SMARCC1: variants seen among roughly 807,000 people sequenced by gnomAD.
The protein encoded by SMARCC1 is SWI/SNF complex subunit SMARCC1.
Under a neutral mutation model 147.4 loss-of-function variants are expected in SMARCC1, and 43 were observed. The ratio of observed to expected loss-of-function variants is 0.29; its 90% CI spans 0.23 to 0.38. SMARCC1 has a LOEUF of 0.38. SMARCC1 is among the 10% of genes least tolerant of loss of function. SMARCC1 has a pLI of 1.00. For missense variants in SMARCC1, 1,119 were observed against 1,381.1 expected (o/e 0.81, Z 3.01); for synonymous variants, 495 against 484.4 (o/e 1.02, Z -0.29).
At chr3:47,738,411 C>T (rs1054081526) in intron 3 of SMARCC1, among the ~76,000 whole-genome samples, 1 of 152,170 alleles carries the variant, frequency 6.6e-6, no homozygotes, top group African/African-American at 2.4e-5. Flanking sequence ...CCAGGCTGGG[C>T]GCAGTGGCTG....
chr3:47,679,837 G>A (rs1249209892), intron 15 of SMARCC1, among the ~76,000 whole-genome samples: 1 of 137,614 alleles, frequency 7.3e-6, no homozygotes, highest in African/African-American at 2.7e-5. Context: ...ACTCCAGTCT[G>A]AGTGACAGAG....
intron 13 of SMARCC1, among the ~76,000 whole-genome samples, chr3:47,688,355 GA>G (rs2033753866): frequency 6.6e-6 from 1 of 150,526 alleles, no homozygotes; most frequent in East Asian, 2.0e-4. Context: ...AGAGTCATAA[GA>G]AAAGAGTTTC....
chr3:47,772,949 GAC>G lies in SMARCC1; in HGVS notation c.196-15_196-14del. The G allele has an allele frequency of 6.2e-7, 1 of 1,607,694 alleles. No individual in the cohort carries two copies. Among genetic ancestry groups the G allele is most frequent in the Non-Finnish European group, 8.5e-7 (1 of 1,176,300 alleles). ...CCGCATGAACATACTGCAAGATAAA[GAC>G]AGGCATTCAAAAACTAGTACAATTT... On this transcript the variant is annotated splice_polypyrimidine_tract_variant and intron_variant, in intron 1 of 27. Coordinates refer to ENST00000254480, the MANE Select transcript of SMARCC1 (RefSeq NM_003074.4).
At chr3:47,705,915 T>C (rs577835747) in intron 10 of SMARCC1, among the ~76,000 whole-genome samples, 1 of 152,282 alleles carries the variant, frequency 6.6e-6, no homozygotes, top group East Asian at 1.9e-4. Context: ...ATCTATTCAG[T>C]AGAAATCGTA....
intron 24 of SMARCC1, among the ~76,000 whole-genome samples, chr3:47,630,920 G>A (rs896763626): frequency 2.0e-5 from 3 of 152,042 alleles, no homozygotes; most frequent in African/African-American, 7.2e-5. Flanking sequence ...AAAATTAGCT[G>A]AGTGTGGTGA....
intron 14 of SMARCC1, among the ~76,000 whole-genome samples, chr3:47,685,577 G>A (rs939425051): frequency 2.0e-5 from 3 of 148,790 alleles, no homozygotes; most frequent in East Asian, 2.0e-4. Context: ...AAAAAAATTC[G>A]AGCCAGGCGC....
chr3:47,698,892 G>A (rs528577139), intron 11 of SMARCC1, among the ~76,000 whole-genome samples: 1 of 152,104 alleles, frequency 6.6e-6, no homozygotes, highest in Non-Finnish European at 1.5e-5. Context: ...GTAGACATGT[G>A]TGATGATTTT....
At chr3:47,607,872 A>G (rs2032501766) in intron 26 of SMARCC1, among the ~76,000 whole-genome samples, 1 of 152,034 alleles carries the variant, frequency 6.6e-6, no homozygotes, top group Admixed American at 6.5e-5. Flanking sequence ...GTGAGACCCA[A>G]CCTCTTTTAA....
chr3:47,678,380 C>T, intron 15 of SMARCC1, 69 bp from the exon 16 acceptor site: 3 of 645,052 alleles, frequency 4.7e-6, no homozygotes, highest in Non-Finnish European at 7.9e-6. Context: ...CTTAGAAACT[C>T]AAAAATCTTC....
In SMARCC1 at chr3:47,736,978, T is replaced by C. The variant is rs374679726; in HGVS notation, c.484-852A>G. 9.2e-5 allele frequency among the ~76,000 whole-genome samples: 14 copies of C among 152,306 alleles called. No homozygotes were observed. In the East Asian group the frequency reaches 2.7e-3, roughly 29 times the overall value. ...ACAAATAAGGACATTAAGCATTCTC[T>C]TTTCCAAGTTATAATACATTTAGAG... On this transcript the variant is annotated intron_variant, in intron 4 of 27. Transcript: ENST00000254480.
chr3:47,754,069 T>C (rs1364813469), intron 2 of SMARCC1, among the ~76,000 whole-genome samples: 2 of 152,224 alleles, frequency 1.3e-5, no homozygotes, highest in African/African-American at 2.4e-5. Context: ...GCACCTCTAA[T>C]GATAGGTCAC....
intron 5 of SMARCC1, among the ~76,000 whole-genome samples, chr3:47,730,009 T>A (rs891264989): frequency 1.8e-4 from 28 of 151,802 alleles, no homozygotes; most frequent in Admixed American, 3.3e-4. Context: ...TGAAACCCCA[T>A]CTCTACTAAA....
intron 8 of SMARCC1, among the ~76,000 whole-genome samples, chr3:47,714,061 G>T (rs889520835): frequency 1.3e-5 from 2 of 152,184 alleles, no homozygotes; most frequent in African/African-American, 4.8e-5. Context: ...AGAGCTATTA[G>T]ATTATTGTAA....
chr3:47,717,181 T>C (rs146827330), intron 7 of SMARCC1, among the ~76,000 whole-genome samples: 188 of 152,370 alleles, frequency 1.2e-3, no homozygotes, highest in African/African-American at 4.3e-3. Context: ...CCTGATGTTT[T>C]ATGTTTACTG....
chr3:47,751,188 G>A (rs1046005701), intron 2 of SMARCC1, among the ~76,000 whole-genome samples: 7 of 151,972 alleles, frequency 4.6e-5, no homozygotes, highest in African/African-American at 9.6e-5. Flanking sequence ...GTGAGCCACC[G>A]CGCCTGGCCG....
intron 26 of SMARCC1, among the ~76,000 whole-genome samples, chr3:47,599,415 C>T (rs953357892): frequency 2.0e-5 from 3 of 152,146 alleles, no homozygotes; most frequent in Admixed American, 6.5e-5. Flanking sequence ...CAGGAAACTA[C>T]GTAGGAAACA....
At chr3:47,715,198 T>C (rs1299209655) in intron 7 of SMARCC1, among the ~76,000 whole-genome samples, 1 of 152,196 alleles carries the variant, frequency 6.6e-6, no homozygotes, top group Admixed American at 6.5e-5. Context: ...GCTGATGACT[T>C]CAAATTTTAT....
intron 24 of SMARCC1, among the ~76,000 whole-genome samples, chr3:47,628,227 TATGACCTTTC>T (rs2032840445): frequency 6.6e-6 from 1 of 152,212 alleles, no homozygotes; most frequent in Non-Finnish European, 1.5e-5. Flanking sequence ...CCAAGCTCTT[TATGACCTTTC>T]AGGAATAACT....
At chr3:47,648,247 A>G (rs1201020811) in intron 21 of SMARCC1, among the ~76,000 whole-genome samples, 2 of 152,114 alleles carry the variant, frequency 1.3e-5, no homozygotes, top group East Asian at 1.9e-4. Flanking sequence ...TGTATGCCTC[A>G]GCCTCCCAAA....
Sources: gnomAD v4.1 joint callset for allele counts (sites outside exome capture counted in the v4.1 genomes callset) on GRCh38, gnomAD v4.1.1 for gene constraint, MANE v1.5 for transcripts, NCBI Gene and HGNC (gene_info 2026-07-23, HGNC 2026-07-21) for gene names.